Variants in OR2AG2 observed in about 807,000 individuals in gnomAD.
OR2AG2 encodes olfactory receptor family 2 subfamily AG member 2, also known as olfactory receptor 2AG2.
For missense variants in OR2AG2, 390 were observed against 391.9 expected, an observed-to-expected ratio of 1.00 and a Z score of 0.04; for synonymous variants, 167 against 157.1, an observed-to-expected ratio of 1.06 and a Z score of -0.47.
rs765534201 is a variant in OR2AG2 at position 6,768,488 on chromosome 11, A to G, written c.470T>C (p.Ile157Thr). Reference sequence around the variant, plus strand: ...GTGCATAGTGTACATGGTATGTCCTATAGCAATCAGGGATGCCAGGATCCA... The same window carrying G: ...GTGCATAGTGTACATGGTATGTCCTGTAGCAATCAGGGATGCCAGGATCCA... ...TSWILASLIA[I>T]GHTMYTMHLP... Residue 157 changes from isoleucine (I) to threonine (T), a missense_variant, in exon 2 of 2, where the codon ATA (isoleucine) becomes ACA (threonine). By Grantham distance (89) the Ile-to-Thr change is moderately conservative. Transcript: ENST00000641124. The G allele has an allele frequency of 9.3e-6, 15 of 1,614,018 alleles. No individual in the cohort carries two copies. In the Admixed American group the frequency reaches 2.3e-4, roughly 25 times the overall value.
intron 1 of OR2AG2, among the ~76,000 whole-genome samples, chr11:6,770,726 T>G (rs1255456067): frequency 6.6e-6 from 1 of 152,158 alleles, no homozygotes; most frequent in Non-Finnish European, 1.5e-5. Flanking sequence ...TCATTTTTCT[T>G]GAATAAAAAG....
chr11:6,766,508 C>A lies in OR2AG2; in HGVS notation c.*1499G>T, dbSNP rs1847376265. 1 of 151,756 alleles carries A rather than the reference C, an allele frequency of 6.6e-6. No individual in the cohort carries two copies. Among genetic ancestry groups the A allele is most frequent in the Admixed American group, 6.6e-5 (1 of 15,240 alleles). The allele number at this position is 151,756 out of a possible 1,614,324, so 9.4% of individuals were successfully genotyped here. ...GATTAATTTTATAGATTAGCTTTATCTTTTATTTTTTATGGTTTAGCTTTA... is the reference window on the plus strand; with the variant it reads ...GATTAATTTTATAGATTAGCTTTATATTTTATTTTTTATGGTTTAGCTTTA... On this transcript the variant is annotated 3_prime_UTR_variant, in exon 2 of 2. Coordinates refer to ENST00000641124, the MANE Select transcript of OR2AG2 (RefSeq NM_001004490.2).
rs1276971267 is a variant in OR2AG2, at chr11:6,765,675, GTGGT to G, written c.*2328_*2331del. ...ATTTACAGAAACAGAGAGTAAAATG[GTGGT>G]TACCAAATGTTGAGGTAGGGGGATT... On this transcript the variant is annotated 3_prime_UTR_variant, in exon 2 of 2. Transcript: ENST00000641124. 5.3e-5 allele frequency: 8 copies of G among 152,238 alleles called. No homozygotes were observed. Among genetic ancestry groups the G allele is most frequent in the South Asian group, 4.1e-4 (2 of 4,824 alleles). 9.4% of individuals were successfully genotyped at this position (152,238 alleles called of 1,614,324 possible). A position where few individuals can be genotyped will look rare whatever the true frequency, so the allele number is the denominator to read the frequency against.
Position 6,768,187 on chromosome 11 carries a change from G to A in OR2AG2, c.771C>T (p.Phe257=), listed in dbSNP as rs550274238. 1.1e-5 allele frequency: 18 copies of A among 1,614,202 alleles called. No individual in the cohort carries two copies. The East Asian group carries it at 2.0e-4, about 18-fold the overall frequency. ...GGAAGGAACTGGGCAAGACATACAT[G>A]AATGTGGCAGCTCCATAGAACATCC... is the stretch of plus-strand genomic sequence containing the variant. ...VVGMFYGAAT[F]MYVLPSSFHS... Residue 257 remains phenylalanine (F), a synonymous_variant, in exon 2 of 2, where the codon TTC becomes TTT. Transcript: ENST00000641124.
At chr11:6,769,948 G>C (rs556980257) in intron 1 of OR2AG2, among the ~76,000 whole-genome samples, 1 of 152,162 alleles carries the variant, frequency 6.6e-6, no homozygotes, top group Non-Finnish European at 1.5e-5. Flanking sequence ...TTTTTTCACA[G>C]TCGGATGGAA....
chr11:6,768,928 G>A lies in OR2AG2; in HGVS notation c.30C>T (p.Ser10=), dbSNP rs750534649. 14 of 1,611,214 alleles carry A rather than the reference G, an allele frequency of 8.7e-6. No individual in the cohort carries two copies. In the East Asian group the frequency reaches 1.3e-4, roughly 15 times the overall value. Residue 10 remains serine, a synonymous_variant, in exon 2 of 2, where the codon AGC becomes AGT. Transcript: ENST00000641124. Reference sequence around the variant, plus strand: ...TCAGAATCCCCACCAAGATGAAGCCGCTTCCCAAGGTGGAGTTCCGGAGCT... The same window carrying A: ...TCAGAATCCCCACCAAGATGAAGCCACTTCCCAAGGTGGAGTTCCGGAGCT... MELRNSTLG[S]GFILVGILND...
At position 6,768,370 on chromosome 11, in the gene OR2AG2, C is replaced by T. The variant is rs149713912; in HGVS notation, c.588G>A (p.Glu196=). 6.1e-4 allele frequency: 991 copies of T among 1,614,124 alleles called. 11 individuals are homozygous for T. In the East Asian group the frequency reaches 0.02, roughly 32 times the overall value. The change falls in exon 2 of 2, where the codon GAG becomes GAA. Residue 196 remains glutamate (E), a synonymous_variant. Transcript: ENST00000641124. ...TCACACCTGTCACGTATATTATAAG[C>T]TCATACCTGGAGGTATCAGCACAGG... ...KLACADTSRY[E]LIIYVTGVTF... is the part of the protein sequence containing the mutation.
chr11:6,768,556 G>T lies in OR2AG2; in HGVS notation c.402C>A (p.Thr134=). The change falls in exon 2 of 2, where the codon ACC becomes ACA. Residue 134 remains threonine (T), a synonymous_variant. Coordinates refer to ENST00000641124, the MANE Select transcript of OR2AG2 (RefSeq NM_001004490.2). ...VAICHPLKYM[T]LMSPRVCWIM... is the part of the protein sequence containing the mutation. ...TCCAGCAGACTCTTGGGCTCATGAG[G>T]GTCATGTATTTCAGAGGATGACAAA... is the stretch of plus-strand genomic sequence containing the variant. 6.2e-7 allele frequency: 1 copy of T among 1,614,082 alleles called. No homozygotes were observed. The highest frequency in any genetic ancestry group is 8.5e-7 in the Non-Finnish European group (1 of 1,180,012).
rs779167278 is a variant in OR2AG2, at chr11:6,767,981, G to A, written c.*26C>T. On this transcript the variant is annotated 3_prime_UTR_variant, in exon 2 of 2. Coordinates refer to ENST00000641124, the MANE Select transcript of OR2AG2 (RefSeq NM_001004490.2). ...AGAGAATTTTATCTGGAGGAGGAAT[G>A]GTGAGAGGCAAGCCATGATCCTTCC... The A allele has an allele frequency of 1.3e-6, 2 of 1,561,532 alleles. No homozygotes were observed. The highest frequency in any genetic ancestry group is 4.5e-5 in the East Asian group (2 of 44,418).
chr11:6,768,319 G>C lies in OR2AG2; in HGVS notation c.639C>G (p.Ala213=). ...GGACTAGTGTGTAGGAGGCCACAAT[G>C]GCAGAAATGGGGAGCAAGAGGAAAG... ...GVTFLLLPIS[A]IVASYTLVLF... is the part of the protein sequence containing the mutation. Residue 213 remains alanine, a synonymous_variant, in exon 2 of 2, where the codon GCC becomes GCG. Transcript: ENST00000641124. 5 of 1,613,990 alleles carry C rather than the reference G, an allele frequency of 3.1e-6. No individual in the cohort carries two copies. Among genetic ancestry groups the C allele is most frequent in the Non-Finnish European group, 4.2e-6 (5 of 1,179,966 alleles).
chr11:6,769,204 C>G lies in OR2AG2; in HGVS notation c.-247G>C, dbSNP rs1260228769. 16 of 437,064 alleles carry G rather than the reference C, an allele frequency of 3.7e-5. No homozygotes were observed. Among genetic ancestry groups the G allele is most frequent in the Non-Finnish European group, 6.4e-5 (16 of 248,136 alleles). The allele number at this position is 437,064 out of a possible 1,614,324, so 27.1% of individuals were successfully genotyped here. Reference sequence around the variant, plus strand: ...AATAGTAATCATTTAGAAATCCCTTCAAATAAGGTATCCTGAAGAATAAGC... The same window carrying G: ...AATAGTAATCATTTAGAAATCCCTTGAAATAAGGTATCCTGAAGAATAAGC... On this transcript the variant is annotated 5_prime_UTR_variant, in exon 2 of 2. It removes the in-frame stop codon of an upstream open reading frame in the 5' UTR. Transcript: ENST00000641124.
chr11:6,767,487 C>A lies in OR2AG2; in HGVS notation c.*520G>T. On this transcript the variant is annotated 3_prime_UTR_variant, in exon 2 of 2. Coordinates refer to ENST00000641124, the MANE Select transcript of OR2AG2 (RefSeq NM_001004490.2). ...CTCTTATTCATTTCCACTAACTGCT[C>A]AAATAATCATCTACTTAATAAACAG... is the stretch of plus-strand genomic sequence containing the variant. 6.5e-6 allele frequency: 1 copy of A among 153,912 alleles called. No homozygotes were observed. The highest frequency in any genetic ancestry group is 6.5e-5 in the Admixed American group (1 of 15,492). The allele number at this position is 153,912 out of a possible 1,614,324, so 9.5% of individuals were successfully genotyped here.
At chr11:6,769,870 GGGA>G (rs1160015427) in intron 1 of OR2AG2, among the ~76,000 whole-genome samples, 1 of 152,178 alleles carries the variant, frequency 6.6e-6, no homozygotes, top group Non-Finnish European at 1.5e-5. Context: ...CTAGGGGTTG[GGGA>G]GGAGGAGTGG....
rs757586883 is a variant in OR2AG2, at chr11:6,767,944, G to C, written c.*63C>G. 9.4e-5 allele frequency: 126 copies of C among 1,340,064 alleles called. No individual in the cohort carries two copies. Among genetic ancestry groups the C allele is most frequent in the Non-Finnish European group, 1.2e-4 (117 of 965,056 alleles). The allele number at this position is 1,340,064 out of a possible 1,614,324, so 83.0% of individuals were successfully genotyped here. A position where few individuals can be genotyped will look rare whatever the true frequency, so the allele number is the denominator to read the frequency against. On this transcript the variant is annotated 3_prime_UTR_variant, in exon 2 of 2. Transcript: ENST00000641124. ...GAGTAGAGAATTTTATTTGGAGCAG[G>C]AATGAGTGAGTAGAGAATTTTATCT...
chr11:6,768,337 G>A lies in OR2AG2; in HGVS notation c.621C>T (p.Leu207=). Reference sequence around the variant, plus strand: ...CCACAATGGCAGAAATGGGGAGCAAGAGGAAAGTCACACCTGTCACGTATA... The same window carrying A: ...CCACAATGGCAGAAATGGGGAGCAAAAGGAAAGTCACACCTGTCACGTATA... ...LIIYVTGVTF[L]LLPISAIVAS... is the part of the protein sequence containing the mutation. Residue 207 remains leucine, a synonymous_variant, in exon 2 of 2, where the codon CTC becomes CTT. Coordinates refer to ENST00000641124, the MANE Select transcript of OR2AG2 (RefSeq NM_001004490.2). 20 of 1,614,010 alleles carry A rather than the reference G, an allele frequency of 1.2e-5. No homozygotes were observed. The highest frequency in any genetic ancestry group is 1.7e-5 in the Non-Finnish European group (20 of 1,179,972).
Position 6,768,690 on chromosome 11 carries a change from T to C in OR2AG2, c.268A>G (p.Asn90Asp). Residue 90 changes from asparagine (N) to aspartate (D), a missense_variant, in exon 2 of 2, where the codon AAC (asparagine) becomes GAC (aspartate). Physicochemically the swap from Asn to Asp is conservative, Grantham distance 23. Coordinates refer to ENST00000641124, the MANE Select transcript of OR2AG2 (RefSeq NM_001004490.2). The part of the protein sequence containing the change: ...KALADFLRRE[N>D]TISFGGCALQ... ...GCACAGCCTCCAAAGGAGATAGTGT[T>C]TTCTCTGCGCAGAAAGTCCGCAAGG... 3 of 1,614,078 alleles carry C rather than the reference T, an allele frequency of 1.9e-6. No individual in the cohort carries two copies. The highest frequency in any genetic ancestry group is 1.3e-5 in the African/African-American group (1 of 75,000).
rs1484274783 is a variant in OR2AG2, at chr11:6,767,709, C to T, written c.*298G>A. On this transcript the variant is annotated 3_prime_UTR_variant, in exon 2 of 2. Transcript: ENST00000641124. ...ATGTCTACTTGGTAATGTGTCAGGA[C>T]GATGCCTACCACAGAGTGAGTCTAC... The T allele has an allele frequency of 4.5e-5, 16 of 356,386 alleles. No individual in the cohort carries two copies. Among genetic ancestry groups the T allele is most frequent in the African/African-American group, 1.0e-4 (5 of 48,012 alleles). 22.1% of individuals were successfully genotyped at this position (356,386 alleles called of 1,614,324 possible).
chr11:6,766,286 A>G lies in OR2AG2; in HGVS notation c.*1721T>C, dbSNP rs1847373215. On this transcript the variant is annotated 3_prime_UTR_variant, in exon 2 of 2. Transcript: ENST00000641124. ...TGCGGGCACTCTGGTCTGCTTTCTCATCACTACTCTAAAATATTCCCTCAT... is the reference window on the plus strand; with the variant it reads ...TGCGGGCACTCTGGTCTGCTTTCTCGTCACTACTCTAAAATATTCCCTCAT... 1 of 152,176 alleles carries G rather than the reference A, an allele frequency of 6.6e-6. No homozygotes were observed. The highest frequency in any genetic ancestry group is 2.4e-5 in the African/African-American group (1 of 41,444). 9.4% of individuals were successfully genotyped at this position (152,176 alleles called of 1,614,324 possible). A position where few individuals can be genotyped will look rare whatever the true frequency, so the allele number is the denominator to read the frequency against.
At position 6,768,820 on chromosome 11, in the gene OR2AG2, G is replaced by C. The variant is rs1316786646; in HGVS notation, c.138C>G (p.Leu46=). The C allele has an allele frequency of 1.2e-6, 2 of 1,614,152 alleles. No homozygotes were observed. Among genetic ancestry groups the C allele is most frequent in the South Asian group, 2.2e-5 (2 of 91,078 alleles). ...GCCGGGCTTCTATGGTGATGGCCAG[G>C]AGCAGCAGACCATTGCTGGTCAGTG... ...MLALTSNGLL[L]LAITIEARLH... Residue 46 remains leucine, a synonymous_variant, in exon 2 of 2, where the codon CTC becomes CTG. Coordinates refer to ENST00000641124, the MANE Select transcript of OR2AG2 (RefSeq NM_001004490.2).
Sources: gnomAD v4.1 joint callset for allele counts (sites outside exome capture counted in the v4.1 genomes callset) on GRCh38, gnomAD v4.1.1 for gene constraint, MANE v1.5 for transcripts, NCBI Gene and HGNC (gene_info 2026-07-23, HGNC 2026-07-21) for gene names.